MSI1: variants seen among roughly 807,000 people sequenced by gnomAD.
MSI1 encodes musashi RNA binding protein 1, also known as RNA-binding protein Musashi homolog 1.
Under a neutral mutation model 54.4 loss-of-function variants are expected in MSI1, and 15 were observed. The ratio of observed to expected loss-of-function variants is 0.28; its 90% CI spans 0.18 to 0.42. The LOEUF is 0.42. MSI1 is among the 20% of genes least tolerant of loss of function. MSI1 has a pLI of 1.00. For missense variants in MSI1, 304 were observed against 506.0 expected (o/e 0.60, Z 3.83); for synonymous variants, 200 against 196.5 (o/e 1.02, Z -0.15).
chr12:120,368,063 T>C lies in MSI1; in HGVS notation c.212A>G (p.Gln71Arg). Residue 71 changes from glutamine (Q) to arginine (R), a missense_variant, in exon 4 of 15, where the codon CAG becomes CGG. Transcript: ENST00000257552. The surrounding 1 kb of genome is among the most constrained non-coding windows in gnomAD (Gnocchi z 6.6). ...RGFGFVTFMD[Q>R]AGVDKVLAQS... ...CGCCAGCACTTTATCCACCCCCGCCTGGTCCATGAAAGTGACGAAGCCGAA... is the reference window on the plus strand; with the variant it reads ...CGCCAGCACTTTATCCACCCCCGCCCGGTCCATGAAAGTGACGAAGCCGAA... 1 of 1,613,762 alleles carries C rather than the reference T, an allele frequency of 6.2e-7. No homozygotes were observed. Among genetic ancestry groups the C allele is most frequent in the Non-Finnish European group, 8.5e-7 (1 of 1,179,918 alleles).
At chr12:120,341,204 T>G (rs1873656644), downstream of MSI1, 1 of 152,438 alleles carries the variant, frequency 6.6e-6, no homozygotes, top group Non-Finnish European at 1.5e-5. Flanking sequence ...TCATCTATCT[T>G]GTGTCAATTT....
intron 8 of MSI1, among the ~76,000 whole-genome samples, chr12:120,357,558 T>G (rs1239511420): frequency 6.6e-6 from 1 of 152,204 alleles, no homozygotes; most frequent in Non-Finnish European, 1.5e-5. Context: ...CAGGCTGAAG[T>G]GCAGTGGCAC....
chr12:120,365,265 T>A (rs551442757), intron 4 of MSI1, among the ~76,000 whole-genome samples: 2 of 152,284 alleles, frequency 1.3e-5, no homozygotes, highest in African/African-American at 4.8e-5. Context: ...CCATTTGCAC[T>A]GCTTCCCAGC....
Position 120,342,451 on chromosome 12 carries a change from C to A in MSI1, c.*676G>T. ...CACCTCACAGTATTTACATATGATA[C>A]AGGACGGGATGGTTCCAGGGGCTCG... On this transcript the variant is annotated 3_prime_UTR_variant, in exon 15 of 15. Coordinates refer to ENST00000257552, the MANE Select transcript of MSI1 (RefSeq NM_002442.4). 6.6e-6 allele frequency: 1 copy of A among 152,340 alleles called. No homozygotes were observed. Among genetic ancestry groups the A allele is most frequent in the Non-Finnish European group, 1.5e-5 (1 of 67,962 alleles). 9.4% of individuals were successfully genotyped at this position (152,340 alleles called of 1,614,324 possible).
At chr12:120,366,042 TG>T (rs1875997476) in intron 4 of MSI1, among the ~76,000 whole-genome samples, 1 of 152,152 alleles carries the variant, frequency 6.6e-6, no homozygotes, top group Non-Finnish European at 1.5e-5. Context: ...GGTGTACTCC[TG>T]GGTACTATAG....
chr12:120,362,949 G>T, intron 6 of MSI1, 94 bp downstream of exon 6: 2 of 1,094,010 alleles, frequency 1.8e-6, no homozygotes, highest in Non-Finnish European at 2.8e-6. Flanking sequence ...ATCTTTTGCA[G>T]GAATGGAATG....
chr12:120,347,746 C>T (rs534913066), intron 11 of MSI1, among the ~76,000 whole-genome samples: 3 of 152,312 alleles, frequency 2.0e-5, no homozygotes, highest in South Asian at 4.1e-4. Context: ...AGTAGCTGAG[C>T]CTCAATTTCT....
Position 120,346,275 on chromosome 12 carries a change from G to A in MSI1, c.907C>T (p.Arg303Cys). 6.3e-7 allele frequency: 1 copy of A among 1,587,932 alleles called. No homozygotes were observed. Among genetic ancestry groups the A allele is most frequent in the Non-Finnish European group, 8.6e-7 (1 of 1,168,280 alleles). ...MAPPPGSTPSRTGGFLGTTSP... is the reference protein window; with the variant it reads ...MAPPPGSTPSCTGGFLGTTSP... Reference sequence around the variant, plus strand: ...GTGGTCCCCAGGAAGCCCCCTGTGCGGCTGGGAGTCGAACCTGGAGGGGGA... The same window carrying A: ...GTGGTCCCCAGGAAGCCCCCTGTGCAGCTGGGAGTCGAACCTGGAGGGGGA... The change falls in exon 13 of 15, where the codon CGC becomes TGC. Residue 303 changes from arginine to cysteine, a missense_variant. Coordinates refer to ENST00000257552, the MANE Select transcript of MSI1 (RefSeq NM_002442.4).
chr12:120,345,820 G>A (rs1212787413), intron 13 of MSI1, among the ~76,000 whole-genome samples, 188 bp from the exon 14 acceptor site: 2 of 151,928 alleles, frequency 1.3e-5, no homozygotes, highest in African/African-American at 4.8e-5. Flanking sequence ...TTCTCCAACA[G>A]AGGGCCAGGG....
intron 10 of MSI1, among the ~76,000 whole-genome samples, chr12:120,351,863 C>T (rs1370571841): frequency 1.3e-5 from 2 of 151,630 alleles, no homozygotes; most frequent in African/African-American, 4.8e-5. Context: ...CGCCCGCCAC[C>T]ACGCCCGGAT....
chr12:120,357,928 G>A lies in MSI1; in HGVS notation c.452-30C>T, dbSNP rs747574784. 31 of 1,605,814 alleles carry A rather than the reference G, an allele frequency of 1.9e-5. No homozygotes were observed. The South Asian group carries it at 3.3e-4, about 17-fold the overall frequency. On this transcript the variant is annotated intron_variant, in intron 7 of 14. Coordinates refer to ENST00000257552, the MANE Select transcript of MSI1 (RefSeq NM_002442.4). ...AGGTTGGACAAAGGATAAAGGCAAG[G>A]TCAGAACCAGAGCGCAGGGTCAAAA... is the stretch of plus-strand genomic sequence containing the variant.
chr12:120,341,064 T>C (rs1873651433), downstream of MSI1, among the ~76,000 whole-genome samples: 1 of 151,920 alleles, frequency 6.6e-6, no homozygotes, highest in African/African-American at 2.4e-5. Flanking sequence ...TTTTGTATTT[T>C]TAGTAGAGAT....
intron 7 of MSI1, among the ~76,000 whole-genome samples, chr12:120,358,258 G>T (rs1034311835): frequency 6.6e-6 from 1 of 152,168 alleles, no homozygotes; most frequent in Non-Finnish European, 1.5e-5. Flanking sequence ...TTACACAAAG[G>T]TGTACATGTC....
At chr12:120,367,061 G>C (rs79858704) in intron 4 of MSI1, among the ~76,000 whole-genome samples, 1 of 152,128 alleles carries the variant, frequency 6.6e-6, no homozygotes, top group South Asian at 2.1e-4. Flanking sequence ...TACTGCGAGC[G>C]GGAGCGGGAG....
intron 11 of MSI1, among the ~76,000 whole-genome samples, chr12:120,349,974 G>A (rs1024734678): frequency 9.9e-5 from 15 of 152,126 alleles, no homozygotes; most frequent in Non-Finnish European, 1.8e-4. Context: ...TGAGATCAGG[G>A]CCTGCCTCTG....
chr12:120,364,231 AAACTGAAAGAC>A (rs1329673707), intron 5 of MSI1, among the ~76,000 whole-genome samples: 1 of 152,186 alleles, frequency 6.6e-6, no homozygotes, highest in Non-Finnish European at 1.5e-5. Context: ...ACAGACATCT[AAACTGAAAGAC>A]AACAGGTGAC....
intron 10 of MSI1, 129 bp from the exon 11 acceptor site, chr12:120,351,529 G>A (rs1465685834): frequency 2.4e-5 from 18 of 756,738 alleles, no homozygotes; most frequent in Non-Finnish European, 1.5e-5. Flanking sequence ...CAAGAGCTGG[G>A]GAGGGGGAGA....
intron 9 of MSI1, among the ~76,000 whole-genome samples, chr12:120,356,322 C>T (rs1875114735): frequency 6.6e-6 from 1 of 152,138 alleles, no homozygotes; most frequent in African/African-American, 2.4e-5. Context: ...GTTCCCTCCG[C>T]CTGGAACACT....
Position 120,368,034 on chromosome 12 carries a change from A to G in MSI1, c.241T>C (p.Ser81Pro), listed in dbSNP as rs1876125120. Residue 81 changes from serine to proline, a missense_variant, in exon 4 of 15, where the codon TCG (serine) becomes CCG (proline). Ser to Pro is a moderately conservative substitution (Grantham distance 74). This residue lies in a region of MSI1 where 105 missense variants were observed against 230.1 expected (regional missense o/e 0.46). Transcript: ENST00000257552. The surrounding 1 kb of genome is among the most constrained non-coding windows in gnomAD (Gnocchi z 6.6). The part of the protein sequence containing the change: ...QAGVDKVLAQ[S>P]RHELDSKTID... ...GTTTTGGAGTCGAGCTCGTGCCGCG[A>G]TTGCGCCAGCACTTTATCCACCCCC... 2 of 1,613,208 alleles carry G rather than the reference A, an allele frequency of 1.2e-6. No individual in the cohort carries two copies. Among genetic ancestry groups the G allele is most frequent in the Non-Finnish European group, 1.7e-6 (2 of 1,179,708 alleles).
Sources: gnomAD v4.1 joint callset for allele counts (sites outside exome capture counted in the v4.1 genomes callset) on GRCh38, gnomAD v4.1.1 for gene constraint, gnomAD v4.1.1 regional missense constraint, Gnocchi (gnomAD v3.1) non-coding constraint, MANE v1.5 for transcripts, NCBI Gene and HGNC (gene_info 2026-07-23, HGNC 2026-07-21) for gene names.